RAB11FIP4: variants seen among roughly 807,000 people sequenced by gnomAD.
RAB11FIP4 encodes the protein rab11 family-interacting protein 4.
In RAB11FIP4, 23 loss-of-function variants were observed where a neutral mutation model predicts 74.3. The observed-to-expected ratio is 0.31, with a 90% CI of 0.22 to 0.44. The LOEUF is 0.44. Ranked by LOEUF, RAB11FIP4 falls within the 20% of genes least tolerant of loss-of-function variation. RAB11FIP4 has a pLI of 1.00. For missense variants in RAB11FIP4, 630 were observed against 863.9 expected (o/e 0.73, Z 3.39); for synonymous variants, 360 against 359.9 (o/e 1.00, Z 0.00).
Position 31,467,721 on chromosome 17 carries a change from G to T in RAB11FIP4, c.336+33599G>T, listed in dbSNP as rs577602853. On this transcript the variant is annotated intron_variant, in intron 3 of 14. Transcript: ENST00000621161. Reference sequence around the variant, plus strand: ...CCTGTGGAGGGCCCAGGCACACACTGCCCCACTCCTGCCACCCACCGCTCT... The same window carrying T: ...CCTGTGGAGGGCCCAGGCACACACTTCCCCACTCCTGCCACCCACCGCTCT... Among the ~76,000 whole-genome samples, 426 of 152,254 alleles carry T rather than the reference G, an allele frequency of 2.8e-3. 5 individuals are homozygous for T. Among genetic ancestry groups the T allele is most frequent in the African/African-American group, 9.5e-3 (396 of 41,558 alleles).
intron 3 of RAB11FIP4, among the ~76,000 whole-genome samples, chr17:31,442,419 G>T (rs542888409): frequency 3.3e-5 from 5 of 152,290 alleles, no homozygotes; most frequent in African/African-American, 1.2e-4. Context: ...ATCAGAGGTT[G>T]GCAAATTACA....
intron 3 of RAB11FIP4, among the ~76,000 whole-genome samples, chr17:31,438,221 G>T (rs148334103): frequency 3.9e-5 from 6 of 152,160 alleles, no homozygotes; most frequent in African/African-American, 1.4e-4. Flanking sequence ...ATGGAGACAC[G>T]TGGAGAGCCC....
In RAB11FIP4 at chr17:31,469,906, A is replaced by G. The variant is rs551838726; in HGVS notation, c.336+35784A>G. On this transcript the variant is annotated intron_variant, in intron 3 of 14. Transcript: ENST00000621161. ...CAACAACTCTGAGATGAGTAAGCGG[A>G]GACCCAGGCAAGAGTGGCTTTACCT... Among the ~76,000 whole-genome samples, 36 of 152,362 alleles carry G rather than the reference A, an allele frequency of 2.4e-4. No homozygotes were observed. The East Asian group carries it at 6.7e-3, about 29-fold the overall frequency.
chr17:31,449,699 C>A (rs1435743489), intron 3 of RAB11FIP4, among the ~76,000 whole-genome samples: 1 of 152,156 alleles, frequency 6.6e-6, no homozygotes, highest in African/African-American at 2.4e-5. Context: ...CTGCCATCAT[C>A]CCCAGCTATT....
intron 3 of RAB11FIP4, among the ~76,000 whole-genome samples, chr17:31,505,602 A>G (rs1296630682): frequency 2.8e-4 from 15 of 54,030 alleles, no homozygotes; most frequent in Non-Finnish European, 4.4e-4. Context: ...TATATTATAT[A>G]ATAATAATTA....
chr17:31,442,362 T>A (rs994020246), intron 3 of RAB11FIP4, among the ~76,000 whole-genome samples: 2 of 152,240 alleles, frequency 1.3e-5, no homozygotes, highest in Non-Finnish European at 2.9e-5. Flanking sequence ...ATAATCATTC[T>A]TATAGCTAAG....
chr17:31,407,880 T>C (rs560348410), intron 1 of RAB11FIP4, among the ~76,000 whole-genome samples: 1 of 152,304 alleles, frequency 6.6e-6, no homozygotes, highest in South Asian at 2.1e-4. Flanking sequence ...AGTGTAAACA[T>C]TTGGTTTACA....
chr17:31,425,802 AG>A (rs1338307239), intron 1 of RAB11FIP4, among the ~76,000 whole-genome samples: 1 of 152,122 alleles, frequency 6.6e-6, no homozygotes, highest in African/African-American at 2.4e-5. Context: ...TGGGAGCCAG[AG>A]GGGGAGCCCC....
intron 3 of RAB11FIP4, among the ~76,000 whole-genome samples, chr17:31,440,798 A>C (rs375394707): frequency 6.6e-6 from 1 of 152,158 alleles, no homozygotes; most frequent in Non-Finnish European, 1.5e-5. Context: ...AATAAAAAAA[A>C]CTGTTTTTTT....
At position 31,411,356 on chromosome 17, in the gene RAB11FIP4, T is replaced by C. The variant is rs569089060; in HGVS notation, c.159+19345T>C. ...TCCAGCCTGGGCGACAGAGTGCGAT[T>C]CCATCTCAAAAACAAACAAACAAAC... On this transcript the variant is annotated intron_variant, in intron 1 of 14. Coordinates refer to ENST00000621161, the MANE Select transcript of RAB11FIP4 (RefSeq NM_032932.6). 3.8e-4 allele frequency among the ~76,000 whole-genome samples: 58 copies of C among 152,274 alleles called. 1 individual carries two copies. Among genetic ancestry groups the C allele is most frequent in the African/African-American group, 1.4e-3 (57 of 41,558 alleles).
At chr17:31,462,131 C>G (rs865778025) in intron 3 of RAB11FIP4, among the ~76,000 whole-genome samples, 12 of 152,008 alleles carry the variant, frequency 7.9e-5, no homozygotes, top group African/African-American at 2.9e-4. Context: ...GATGTGGTGG[C>G]AGGTGCCTGC....
chr17:31,456,548 C>A (rs1439088556), intron 3 of RAB11FIP4, among the ~76,000 whole-genome samples: 1 of 152,184 alleles, frequency 6.6e-6, no homozygotes, highest in Non-Finnish European at 1.5e-5. Context: ...AAAAGAAGTC[C>A]TTCCTGATGA....
intron 3 of RAB11FIP4, among the ~76,000 whole-genome samples, chr17:31,443,151 G>A (rs2071421478): frequency 6.6e-6 from 1 of 152,128 alleles, no homozygotes; most frequent in South Asian, 2.1e-4. Flanking sequence ...TTATAATACA[G>A]TTTAACTTCT....
intron 3 of RAB11FIP4, among the ~76,000 whole-genome samples, chr17:31,460,730 G>C (rs1307050590): frequency 6.6e-6 from 1 of 151,920 alleles, no homozygotes; most frequent in Non-Finnish European, 1.5e-5. Flanking sequence ...TATATATAGA[G>C]ACATATATAT....
rs1597974653 is a variant in RAB11FIP4 at position 31,516,790 on chromosome 17, T to C, written c.337-861T>C. 1.3e-5 allele frequency among the ~76,000 whole-genome samples: 2 copies of C among 152,170 alleles called. 1 individual carries two copies. Among genetic ancestry groups the C allele is most frequent in the South Asian group, 4.1e-4 (2 of 4,832 alleles). On this transcript the variant is annotated intron_variant, in intron 3 of 14. Coordinates refer to ENST00000621161, the MANE Select transcript of RAB11FIP4 (RefSeq NM_032932.6). ...AGATTTATTGAAAACGAAAGTACAC[T>C]CCACGGGATGGGAGCAGGCCCAAGC...
chr17:31,487,783 G>A (rs1567672374), intron 3 of RAB11FIP4, among the ~76,000 whole-genome samples: 1 of 152,044 alleles, frequency 6.6e-6, no homozygotes, highest in Non-Finnish European at 1.5e-5. Flanking sequence ...CCGACTCCTG[G>A]AGTCCCAGCC....
chr17:31,456,206 G>C (rs2071577333), intron 3 of RAB11FIP4, among the ~76,000 whole-genome samples: 1 of 152,118 alleles, frequency 6.6e-6, no homozygotes, highest in South Asian at 2.1e-4. Flanking sequence ...TTGTCATCCT[G>C]TGTACTCTTT....
intron 3 of RAB11FIP4, among the ~76,000 whole-genome samples, chr17:31,438,751 T>G (rs1285342814): frequency 6.6e-6 from 1 of 152,082 alleles, no homozygotes; most frequent in African/African-American, 2.4e-5. Context: ...TGCCTCTGAG[T>G]GTTATCTTTC....
At chr17:31,432,085 C>T (rs991834675) in intron 2 of RAB11FIP4, among the ~76,000 whole-genome samples, 185 bp downstream of exon 2, 3 of 152,176 alleles carry the variant, frequency 2.0e-5, no homozygotes, top group Non-Finnish European at 2.9e-5. Context: ...TTGCCCCAGC[C>T]GTGGGGGGCT....
Sources: gnomAD v4.1 joint callset for allele counts (sites outside exome capture counted in the v4.1 genomes callset) on GRCh38, gnomAD v4.1.1 for gene constraint, MANE v1.5 for transcripts, NCBI Gene and HGNC (gene_info 2026-07-23, HGNC 2026-07-21) for gene names.